CHRNA2: variants seen among roughly 807,000 people sequenced by gnomAD.
CHRNA2 encodes the protein cholinergic receptor nicotinic alpha 2 subunit, also known as neuronal acetylcholine receptor subunit alpha-2.
CHRNA2 carries 40 observed loss-of-function variants against 45.5 expected under a neutral mutation model. The observed-to-expected ratio is 0.88, with a 90% CI of 0.68 to 1.15. CHRNA2 has a LOEUF of 1.15. Among genes scored for constraint, CHRNA2 ranks in the 50% most tolerant of loss-of-function variants. The pLI is 0.00. For synonymous variants in CHRNA2, 301 were observed against 296.7 expected, an observed-to-expected ratio of 1.01 and a Z score of -0.15; for missense variants, 655 against 701.7, an observed-to-expected ratio of 0.93 and a Z score of 0.75.
rs374220866 is a variant in CHRNA2 at position 27,477,189 on chromosome 8, A to C, written c.-137+1635T>G. On this transcript the variant is annotated intron_variant, in intron 1 of 6. Transcript: ENST00000407991. ...TCACCTGTGTTCCGTAGACCCTAGCACTGTGTCTGTCATTGCTAAGCCACC... is the reference window on the plus strand; with the variant it reads ...TCACCTGTGTTCCGTAGACCCTAGCCCTGTGTCTGTCATTGCTAAGCCACC... 6 of 152,326 alleles carry C rather than the reference A, an allele frequency of 3.9e-5. No homozygotes were observed. The East Asian group carries it at 9.6e-4, about 24-fold the overall frequency. The allele number at this position is 152,326 out of a possible 1,614,324, so 9.4% of individuals were successfully genotyped here.
intron 4 of CHRNA2, 45 bp from the exon 5 acceptor site, chr8:27,467,383 A>T (rs548983616): frequency 6.7e-7 from 1 of 1,483,064 alleles, no homozygotes; most frequent in South Asian, 1.1e-5. Flanking sequence ...TCCAGGGAGC[A>T]GCCTAGGGCA....
chr8:27,467,888 A>G (rs1812748495), intron 4 of CHRNA2, among the ~76,000 whole-genome samples: 2 of 152,076 alleles, frequency 1.3e-5, no homozygotes, highest in South Asian at 2.1e-4. Context: ...AGTGCCCCAC[A>G]GGAGTCCCAC....
intron 1 of CHRNA2, among the ~76,000 whole-genome samples, chr8:27,476,519 A>AAACT (rs1813065672): frequency 6.6e-6 from 1 of 152,220 alleles, no homozygotes; most frequent in Non-Finnish European, 1.5e-5. Flanking sequence ...TACCCAGGGG[A>AAACT]AACTGCAGAG....
chr8:27,463,476 G>C lies in CHRNA2; in HGVS notation c.967C>G (p.Leu323Val). 1 of 1,614,218 alleles carries C rather than the reference G, an allele frequency of 6.2e-7. No individual in the cohort carries two copies. The highest frequency in any genetic ancestry group is 8.5e-7 in the Non-Finnish European group (1 of 1,180,044). Reference sequence around the variant, plus strand: ...TACTCGCCGATGAGCGGGATGACCAGCGAGGTGGACGGGATGATCTCAGTG... The same window carrying C: ...TACTCGCCGATGAGCGGGATGACCACCGAGGTGGACGGGATGATCTCAGTG... ...LITEIIPSTS[L>V]VIPLIGEYLL... The change falls in exon 6 of 7, where the codon CTG becomes GTG. Residue 323 changes from leucine to valine, a missense_variant. Leu to Val is a conservative substitution (Grantham distance 32, BLOSUM62 1). This residue lies in a region of CHRNA2 where 295 missense variants were observed against 280.4 expected (regional missense o/e 1.05). Transcript: ENST00000407991. This position sits in a 1 kb window ranked among gnomAD's most constrained non-coding sequence, Gnocchi z 6.1.
At position 27,461,357 on chromosome 8, in the gene CHRNA2, A is replaced by T; in HGVS notation, c.*272T>A. The T allele has an allele frequency of 2.0e-6, 1 of 492,208 alleles. No individual in the cohort carries two copies. The highest frequency in any genetic ancestry group is 3.7e-6 in the Non-Finnish European group (1 of 269,586). 30.5% of individuals were successfully genotyped at this position (492,208 alleles called of 1,614,324 possible). On this transcript the variant is annotated 3_prime_UTR_variant, in exon 7 of 7. Coordinates refer to ENST00000407991, the MANE Select transcript of CHRNA2 (RefSeq NM_000742.4). ...TGCACTGCTCCTCCAGGAGAATCTT[A>T]CTCTGCCCCACTTGGTCACCACACT...
chr8:27,461,481 A>T lies in CHRNA2; in HGVS notation c.*148T>A, dbSNP rs1022931614. Reference sequence around the variant, plus strand: ...CCCTGGTACAATAACGTTAAGCTGGATGGAAGCCTGCAATCCCTGGGTCAG... The same window carrying T: ...CCCTGGTACAATAACGTTAAGCTGGTTGGAAGCCTGCAATCCCTGGGTCAG... On this transcript the variant is annotated 3_prime_UTR_variant, in exon 7 of 7. Coordinates refer to ENST00000407991, the MANE Select transcript of CHRNA2 (RefSeq NM_000742.4). The T allele has an allele frequency of 6.3e-6, 7 of 1,117,718 alleles. No individual in the cohort carries two copies. The African/African-American group carries it at 7.7e-5, about 12-fold the overall frequency. 69.2% of individuals were successfully genotyped at this position (1,117,718 alleles called of 1,614,324 possible).
At chr8:27,461,970 A>T (rs1047529641) in intron 6 of CHRNA2, among the ~76,000 whole-genome samples, 2 of 152,114 alleles carry the variant, frequency 1.3e-5, no homozygotes, top group Non-Finnish European at 2.9e-5. Flanking sequence ...TTCCCCTCCC[A>T]TCCCAGCCCC....
chr8:27,475,805 A>G (rs1813043139), intron 1 of CHRNA2, among the ~76,000 whole-genome samples: 1 of 152,216 alleles, frequency 6.6e-6, no homozygotes, highest in African/African-American at 2.4e-5. Context: ...GGATCGCTAC[A>G]TTGATCTGAA....
At chr8:27,472,013 G>T (rs933771918) in intron 1 of CHRNA2, among the ~76,000 whole-genome samples, 2 of 152,194 alleles carry the variant, frequency 1.3e-5, no homozygotes, top group African/African-American at 4.8e-5. Context: ...CAATCGTGCT[G>T]CATAATGAGG....
Sources: gnomAD v4.1 joint callset for allele counts (sites outside exome capture counted in the v4.1 genomes callset) on GRCh38, gnomAD v4.1.1 for gene constraint, gnomAD v4.1.1 regional missense constraint, Gnocchi (gnomAD v3.1) non-coding constraint, MANE v1.5 for transcripts, NCBI Gene and HGNC (gene_info 2026-07-23, HGNC 2026-07-21) for gene names.